Variants in TDRD3 observed in about 807,000 individuals in gnomAD.
TDRD3 encodes tudor domain containing 3, also known as tudor domain-containing protein 3.
Under a neutral mutation model 86.7 loss-of-function variants are expected in TDRD3, and 45 were observed. The ratio of observed to expected loss-of-function variants is 0.52; its 90% CI spans 0.41 to 0.67. TDRD3 has a LOEUF of 0.67. Among genes scored for constraint, TDRD3 ranks in the 30% least tolerant of loss-of-function variants. TDRD3 has a pLI of 0.00. For synonymous variants in TDRD3, 298 were observed against 301.7 expected (o/e 0.99, Z 0.13); for missense variants, 814 against 889.0 (o/e 0.92, Z 1.07).
intron 1 of TDRD3, among the ~76,000 whole-genome samples, chr13:60,413,859 GTC>G (rs975291093): frequency 5.9e-5 from 9 of 151,854 alleles, no homozygotes; most frequent in Non-Finnish European, 1.2e-4. Flanking sequence ...AAATATTAGT[GTC>G]TCAAATTAAA....
chr13:60,513,204 C>T (rs746100100), intron 10 of TDRD3, among the ~76,000 whole-genome samples: 12 of 152,218 alleles, frequency 7.9e-5, no homozygotes, highest in Admixed American at 5.9e-4. Context: ...ACATTGGTCC[C>T]TTTCAGCAAT....
intron 12 of TDRD3, among the ~76,000 whole-genome samples, chr13:60,539,116 A>C (rs540025417): frequency 6.6e-6 from 1 of 152,158 alleles, no homozygotes; most frequent in African/African-American, 2.4e-5. Flanking sequence ...CTGGAAGGTG[A>C]TAGGCAAATT....
chr13:60,471,808 AT>A (rs1277153743), intron 5 of TDRD3, among the ~76,000 whole-genome samples: 1 of 152,054 alleles, frequency 6.6e-6, no homozygotes, highest in African/African-American at 2.4e-5. Context: ...AGATCACGTT[AT>A]CTGTGAAGAG....
At chr13:60,523,391 A>G (rs1442698286) in intron 10 of TDRD3, among the ~76,000 whole-genome samples, 1 of 152,162 alleles carries the variant, frequency 6.6e-6, no homozygotes, top group African/African-American at 2.4e-5. Context: ...ATTGTAGTCA[A>G]TTATCTCACA....
At chr13:60,421,713 G>A (rs902058169) in intron 1 of TDRD3, among the ~76,000 whole-genome samples, 17 of 152,146 alleles carry the variant, frequency 1.1e-4, no homozygotes, top group African/African-American at 3.9e-4. Context: ...AAAGACCTGT[G>A]AGTAAAAAGA....
intron 13 of TDRD3, 134 bp downstream of exon 13, chr13:60,567,784 C>T (rs1033491439): frequency 4.3e-5 from 50 of 1,161,612 alleles, no homozygotes; most frequent in African/African-American, 1.1e-4. Context: ...AGTGCAGTGG[C>T]GTGATCTCGG....
chr13:60,502,591 T>C (rs1024188373), intron 8 of TDRD3, among the ~76,000 whole-genome samples: 3 of 152,168 alleles, frequency 2.0e-5, no homozygotes, highest in African/African-American at 7.2e-5. Context: ...TAAGATCTTT[T>C]AAAGCTGAGC....
intron 1 of TDRD3, among the ~76,000 whole-genome samples, chr13:60,423,212 C>A (rs893126799): frequency 6.6e-6 from 1 of 152,106 alleles, no homozygotes; most frequent in Non-Finnish European, 1.5e-5. Context: ...AATATTAAGG[C>A]CATATAAAAA....
intron 12 of TDRD3, among the ~76,000 whole-genome samples, chr13:60,553,637 C>T (rs1188956738): frequency 1.3e-5 from 2 of 151,478 alleles, no homozygotes; most frequent in Non-Finnish European, 2.9e-5. Context: ...TGGCAGAAAG[C>T]AAAGGAGAAG....
At position 60,451,960 on chromosome 13, in the gene TDRD3, A is replaced by G. The variant is rs185586107; in HGVS notation, c.192+7212A>G. Among the ~76,000 whole-genome samples the G allele has an allele frequency of 1.9e-3, 284 of 152,316 alleles. 1 individual carries two copies. The highest frequency in any genetic ancestry group is 3.3e-3 in the Non-Finnish European group (222 of 68,022). On this transcript the variant is annotated intron_variant, in intron 3 of 13. Transcript: ENST00000377881. ...AAAACAATTGACATCTTTATATGAT[A>G]TGATATTACCAGTGAAATGCTGGTA...
At chr13:60,474,678 T>TA (rs1482387558) in intron 5 of TDRD3, among the ~76,000 whole-genome samples, 1 of 151,924 alleles carries the variant, frequency 6.6e-6, no homozygotes, top group Non-Finnish European at 1.5e-5. Flanking sequence ...TTACATTCGT[T>TA]ACGAAGGTCA....
intron 7 of TDRD3, among the ~76,000 whole-genome samples, chr13:60,487,847 ATTG>A (rs1252921029): frequency 1.3e-5 from 2 of 152,080 alleles, no homozygotes; most frequent in Non-Finnish European, 2.9e-5. Flanking sequence ...CAACCTCCAT[ATTG>A]TTTTCTGTAA....
At chr13:60,506,868 T>C (rs1956950622) in intron 8 of TDRD3, among the ~76,000 whole-genome samples, 1 of 152,132 alleles carries the variant, frequency 6.6e-6, no homozygotes, top group East Asian at 1.9e-4. Flanking sequence ...TAGCCTTAAA[T>C]GTAAATGGGC....
At chr13:60,457,051 T>A (rs1381782241) in intron 3 of TDRD3, among the ~76,000 whole-genome samples, 1 of 152,166 alleles carries the variant, frequency 6.6e-6, no homozygotes, top group Admixed American at 6.5e-5. Flanking sequence ...ATTTAAAAAA[T>A]TTTATTATGT....
chr13:60,569,143 A>G (rs147612333), intron 13 of TDRD3, among the ~76,000 whole-genome samples: 1,889 of 151,920 alleles, frequency 0.012, 39 homozygotes, highest in African/African-American at 0.043. Context: ...TGATTTTTGT[A>G]TTTTTTGTGG....
chr13:60,498,064 C>G (rs1336118070), intron 8 of TDRD3, among the ~76,000 whole-genome samples: 1 of 152,074 alleles, frequency 6.6e-6, no homozygotes, highest in African/African-American at 2.4e-5. Flanking sequence ...TGTGAGCAAG[C>G]TGGAAATGCC....
chr13:60,446,386 C>T (rs1955399324), intron 3 of TDRD3, among the ~76,000 whole-genome samples: 1 of 151,984 alleles, frequency 6.6e-6, no homozygotes, highest in African/African-American at 2.4e-5. Context: ...GCCACCACGC[C>T]TGGCTAATTT....
chr13:60,398,220 A>G (rs1289547483), intron 1 of TDRD3, among the ~76,000 whole-genome samples: 2 of 152,210 alleles, frequency 1.3e-5, no homozygotes, highest in Non-Finnish European at 2.9e-5. Flanking sequence ...TTCTGGGATG[A>G]AGGGTAGGAA....
intron 12 of TDRD3, among the ~76,000 whole-genome samples, chr13:60,539,642 G>C (rs1395624526): frequency 3.3e-5 from 5 of 151,638 alleles, no homozygotes; most frequent in Non-Finnish European, 7.4e-5. Flanking sequence ...TCAAGTTTTA[G>C]TTTTGAAGTA....
Sources: allele counts gnomAD v4.1 joint callset (sites outside exome capture counted in the v4.1 genomes callset), GRCh38; gene constraint gnomAD v4.1.1; transcripts MANE v1.5; gene names NCBI Gene and HGNC (gene_info 2026-07-23, HGNC 2026-07-21).